Variants in KANK4 observed in about 807,000 individuals in gnomAD.
The protein encoded by KANK4 is KN motif and ankyrin repeat domain-containing protein 4.
A neutral mutation model predicts 80.8 loss-of-function variants in KANK4; 50 were observed. That is an observed-to-expected ratio of 0.62 (90% CI 0.49 to 0.78). The LOEUF (loss-of-function observed/expected upper bound fraction) is 0.78. Ranked by LOEUF, KANK4 falls within the 30% of genes least tolerant of loss-of-function variation. The pLI, the probability that KANK4 is intolerant of heterozygous loss-of-function variation, is 0.00. For missense variants in KANK4, 1,196 were observed against 1,240.1 expected (o/e 0.96, Z 0.53); for synonymous variants, 465 against 506.9 (o/e 0.92, Z 1.11).
At chr1:62,290,024 A>C (rs940049553) in intron 1 of KANK4, among the ~76,000 whole-genome samples, 4 of 152,220 alleles carry the variant, frequency 2.6e-5, no homozygotes, top group Non-Finnish European at 5.9e-5. Context: ...AAATAGGATG[A>C]CAATACATGC....
chr1:62,273,052 A>C (rs1303712687), intron 3 of KANK4, 152 bp downstream of exon 3: 1 of 489,844 alleles, frequency 2.0e-6, no homozygotes, highest in East Asian at 3.4e-5. Context: ...CCGCCTCCCA[A>C]AGTGCTGGGA....
chr1:62,294,630 G>A (rs1456445114), intron 1 of KANK4, among the ~76,000 whole-genome samples: 1 of 93,934 alleles, frequency 1.1e-5, no homozygotes, highest in East Asian at 4.1e-4. Context: ...CTGAGGCTAA[G>A]TGATCCCCAG....
At chr1:62,299,500 G>T (rs1644394395) in intron 1 of KANK4, among the ~76,000 whole-genome samples, 1 of 152,126 alleles carries the variant, frequency 6.6e-6, no homozygotes, top group Non-Finnish European at 1.5e-5. Flanking sequence ...TAGAGAATGG[G>T]CAGCAGCAGA....
intron 9 of KANK4, among the ~76,000 whole-genome samples, chr1:62,244,593 A>G (rs1280673045): frequency 2.6e-5 from 4 of 152,118 alleles, no homozygotes; most frequent in Admixed American, 1.3e-4. Context: ...GCTGCTATCC[A>G]TGTAAGATGT....
chr1:62,316,606 G>T (rs1000698450), intron 1 of KANK4, among the ~76,000 whole-genome samples: 1 of 152,216 alleles, frequency 6.6e-6, no homozygotes, highest in African/African-American at 2.4e-5. Context: ...ATGGAGCAGG[G>T]AGGTGTGAAT....
At chr1:62,253,032 T>A in intron 8 of KANK4, 35 bp downstream of exon 8, 1 of 1,609,084 alleles carries the variant, frequency 6.2e-7, no homozygotes, top group Admixed American at 1.7e-5. Flanking sequence ...TGCCCCTGCA[T>A]TTACTGAAGA....
chr1:62,269,360 G>A (rs1463243640), intron 4 of KANK4, among the ~76,000 whole-genome samples: 2 of 152,170 alleles, frequency 1.3e-5, no homozygotes, highest in African/African-American at 4.8e-5. Flanking sequence ...GGTGGCCATG[G>A]CCTCCATTGA....
chr1:62,268,265 G>C (rs112023452), intron 5 of KANK4, 22 bp downstream of exon 5: 3 of 1,592,588 alleles, frequency 1.9e-6, no homozygotes, highest in East Asian at 2.2e-5. Context: ...ACAAGTGCCC[G>C]CGTTTGTGTC....
At chr1:62,260,254 G>A (rs1375330230) in intron 7 of KANK4, among the ~76,000 whole-genome samples, 2 of 152,052 alleles carry the variant, frequency 1.3e-5, no homozygotes, top group Non-Finnish European at 2.9e-5. Context: ...TTGCCAAGTG[G>A]CTTCTCTCTT....
chr1:62,279,693 T>C (rs1253826619), intron 2 of KANK4, among the ~76,000 whole-genome samples: 1 of 152,166 alleles, frequency 6.6e-6, no homozygotes, highest in South Asian at 2.1e-4. Context: ...GAGTAGGCGC[T>C]CAGTGAAGGA....
intron 1 of KANK4, among the ~76,000 whole-genome samples, chr1:62,291,033 AG>A (rs1193325855): frequency 6.6e-6 from 1 of 151,866 alleles, no homozygotes; most frequent in African/African-American, 2.4e-5. Context: ...TACAGGCATG[AG>A]CCACCACACC....
Position 62,274,387 on chromosome 1 carries a change from C to T in KANK4, c.717G>A (p.Val239=). The T allele has an allele frequency of 6.2e-7, 1 of 1,614,160 alleles. No individual in the cohort carries two copies. The highest frequency in any genetic ancestry group is 8.5e-7 in the Non-Finnish European group (1 of 1,180,006). The change falls in exon 3 of 10, where the codon GTG becomes GTA. Residue 239 remains valine (V), a synonymous_variant. Coordinates refer to ENST00000371153, the MANE Select transcript of KANK4 (RefSeq NM_181712.5). ...GGAGAGGGAGGTGATTTGGAACCTT[C>T]ACCACACCCTCTGGAGGCTCAGCTC... The part of the protein sequence containing the change: ...QEGAEPPEGV[V]KVPNHLPLPG...
At chr1:62,267,381 C>G (rs1304918703) in intron 5 of KANK4, among the ~76,000 whole-genome samples, 1 of 152,150 alleles carries the variant, frequency 6.6e-6, no homozygotes, top group Admixed American at 6.5e-5. Flanking sequence ...CAAGAGGCCT[C>G]AGGTGAGGCT....
intron 9 of KANK4, among the ~76,000 whole-genome samples, chr1:62,239,217 C>T (rs1671282302): frequency 6.6e-6 from 1 of 152,060 alleles, no homozygotes; most frequent in African/African-American, 2.4e-5. Context: ...TGCACCTGTC[C>T]TGTTGTTGGT....
intron 7 of KANK4, among the ~76,000 whole-genome samples, chr1:62,260,356 G>GTC (rs200899214): frequency 0.014 from 2,170 of 151,640 alleles, 46 homozygotes; most frequent in African/African-American, 0.05. Flanking sequence ...TTTTCTGCCT[G>GTC]TCTGTCTCTC....
chr1:62,243,488 G>A (rs1251640401), intron 9 of KANK4, among the ~76,000 whole-genome samples: 1 of 151,998 alleles, frequency 6.6e-6, no homozygotes, highest in Non-Finnish European at 1.5e-5. Flanking sequence ...GCAGATGCGT[G>A]CCACCATGCC....
chr1:62,254,764 C>T (rs1671710689), intron 7 of KANK4, among the ~76,000 whole-genome samples: 1 of 151,404 alleles, frequency 6.6e-6, no homozygotes, highest in East Asian at 1.9e-4. Flanking sequence ...GATGGGATTT[C>T]ACCATGTTGG....
chr1:62,280,951 T>A (rs1272159979), intron 2 of KANK4, among the ~76,000 whole-genome samples: 1 of 152,190 alleles, frequency 6.6e-6, no homozygotes, highest in Non-Finnish European at 1.5e-5. Flanking sequence ...TGGAACATTA[T>A]CTGCACATTG....
intron 1 of KANK4, among the ~76,000 whole-genome samples, chr1:62,284,339 C>A (rs1387026534): frequency 6.6e-6 from 1 of 152,190 alleles, no homozygotes; most frequent in Admixed American, 6.5e-5. Context: ...TTTTGCAACT[C>A]TCTGGAGCAT....
Sources: allele counts gnomAD v4.1 joint callset (sites outside exome capture counted in the v4.1 genomes callset), GRCh38; gene constraint gnomAD v4.1.1; transcripts MANE v1.5; gene names NCBI Gene and HGNC (gene_info 2026-07-23, HGNC 2026-07-21).